The following PIAS1 variants were observed in gnomAD, a reference collection of about 807,000 sequenced individuals.
PIAS1 encodes E3 SUMO-protein ligase PIAS1.
A neutral mutation model predicts 71.3 loss-of-function variants in PIAS1; 6 were observed. The ratio of observed to expected loss-of-function variants is 0.08; its 90% CI spans 0.05 to 0.17. The LOEUF (loss-of-function observed/expected upper bound fraction) is 0.17. PIAS1 is among the 10% of genes least tolerant of loss of function. The pLI is 1.00. For synonymous variants in PIAS1, 303 were observed against 292.9 expected (o/e 1.03, Z -0.35); for missense variants, 555 against 793.6 (o/e 0.70, Z 3.61).
rs542697078 is a variant in PIAS1, at chr15:68,132,226, C to T, written c.470-9720C>T. Among the ~76,000 whole-genome samples the T allele has an allele frequency of 2.7e-3, 417 of 152,156 alleles. 2 individuals are homozygous for T. Among genetic ancestry groups the T allele is most frequent in the African/African-American group, 9.6e-3 (400 of 41,524 alleles). On this transcript the variant is annotated intron_variant, in intron 2 of 13. Coordinates refer to ENST00000249636, the MANE Select transcript of PIAS1 (RefSeq NM_016166.3). ...GGGCATGGTGGCTCACACCTGTAAT[C>T]CCAGCACTTTGGGAGGCTGAGGCGG...
chr15:68,125,950 T>C (rs543840533), intron 2 of PIAS1, among the ~76,000 whole-genome samples: 1 of 152,274 alleles, frequency 6.6e-6, no homozygotes, highest in East Asian at 1.9e-4. Context: ...CCTCCTGCCC[T>C]AGCCTCCCAA....
chr15:68,110,850 A>G (rs930064998), intron 2 of PIAS1, among the ~76,000 whole-genome samples: 1 of 152,196 alleles, frequency 6.6e-6, no homozygotes, highest in African/African-American at 2.4e-5. Flanking sequence ...AAATGATTCT[A>G]AAGTTTCATT....
At chr15:68,164,320 CTTA>C (rs1464524874) in intron 7 of PIAS1, among the ~76,000 whole-genome samples, 1 of 151,794 alleles carries the variant, frequency 6.6e-6, no homozygotes, top group African/African-American at 2.4e-5. Context: ...AAATGTTATT[CTTA>C]TTATTAATGT....
intron 1 of PIAS1, among the ~76,000 whole-genome samples, chr15:68,076,834 G>A (rs1017180575): frequency 3.9e-5 from 6 of 152,138 alleles, no homozygotes; most frequent in African/African-American, 9.7e-5. Flanking sequence ...CTTGCATAGG[G>A]GATATGGAGA....
At chr15:68,100,241 C>T (rs747299968) in intron 2 of PIAS1, among the ~76,000 whole-genome samples, 8 of 152,158 alleles carry the variant, frequency 5.3e-5, no homozygotes, top group Non-Finnish European at 1.0e-4. Context: ...AGTATCCAAA[C>T]TAGGACATAA....
At chr15:68,074,919 G>A (rs549377652) in intron 1 of PIAS1, among the ~76,000 whole-genome samples, 2 of 151,154 alleles carry the variant, frequency 1.3e-5, no homozygotes, top group South Asian at 4.2e-4. Flanking sequence ...GTCTGTTTGG[G>A]TTTTTAGCCT....
intron 11 of PIAS1, among the ~76,000 whole-genome samples, chr15:68,179,956 A>G (rs909623684): frequency 6.6e-6 from 1 of 152,138 alleles, no homozygotes; most frequent in South Asian, 2.1e-4. Flanking sequence ...AAAGCAAAAG[A>G]CAGCCTCTTT....
rs2093036582 is a variant in PIAS1, at chr15:68,178,980, A to G, written c.1482-2232A>G. ...TCCCAGTGACTAATTGAACCCAGCT[A>G]TAGTATTTGCAAATGCCAGACATTT... On this transcript the variant is annotated intron_variant, in intron 11 of 13. Coordinates refer to ENST00000249636, the MANE Select transcript of PIAS1 (RefSeq NM_016166.3). This position sits in a 1 kb window ranked among gnomAD's most constrained non-coding sequence, Gnocchi z 4.2. 6.6e-6 allele frequency among the ~76,000 whole-genome samples: 1 copy of G among 152,322 alleles called. No homozygotes were observed. Among genetic ancestry groups the G allele is most frequent in the Admixed American group, 6.5e-5 (1 of 15,300 alleles).
At chr15:68,093,551 TGAAA>T (rs2092350319) in intron 2 of PIAS1, among the ~76,000 whole-genome samples, 1 of 152,230 alleles carries the variant, frequency 6.6e-6, no homozygotes, top group Admixed American at 6.5e-5. Flanking sequence ...CCAAAGGCAT[TGAAA>T]TTAGAAGTTC....
intron 7 of PIAS1, among the ~76,000 whole-genome samples, chr15:68,161,872 G>C (rs534033200): frequency 1.3e-5 from 1 of 75,956 alleles, no homozygotes; most frequent in Admixed American, 1.5e-4. Context: ...AGAGGCTGCA[G>C]TCAACCAAGA....
chr15:68,070,088 T>C (rs1178857499), intron 1 of PIAS1, among the ~76,000 whole-genome samples: 2 of 152,142 alleles, frequency 1.3e-5, no homozygotes, highest in Non-Finnish European at 2.9e-5. Flanking sequence ...AGAGTTATTG[T>C]AGGAAGTTTG....
rs2141086498 is a variant in PIAS1 at position 68,171,005 on chromosome 15, A to G, written c.1009-2727A>G. 6.6e-6 allele frequency among the ~76,000 whole-genome samples: 1 copy of G among 152,196 alleles called. No individual in the cohort carries two copies. ...AACTTTTGACTCTTGTAATAACAAC[A>G]CTTAGCTTAAAACACAAGCACATTG... On this transcript the variant is annotated intron_variant, in intron 8 of 13. Transcript: ENST00000249636. The surrounding 1 kb of genome is among the most constrained non-coding windows in gnomAD (Gnocchi z 4.4).
intron 2 of PIAS1, among the ~76,000 whole-genome samples, chr15:68,089,837 T>G (rs2092318206): frequency 6.6e-6 from 1 of 152,116 alleles, no homozygotes; most frequent in African/African-American, 2.4e-5. Context: ...ATTACAGGTG[T>G]GAGCCACTGC....
At position 68,157,903 on chromosome 15, in the gene PIAS1, TC is replaced by T. The variant is rs147859124; in HGVS notation, c.934+4211del. Among the ~76,000 whole-genome samples the T allele has an allele frequency of 6.1e-3, 925 of 152,282 alleles. 4 individuals are homozygous for T. The highest frequency in any genetic ancestry group is 0.032 in the East Asian group (167 of 5,178). ...ACTCACCAACTCCTGTCAAACTTAC[TC>T]CCTAAATATTTCTCAAATGTGCCTT... On this transcript the variant is annotated intron_variant, in intron 7 of 13. Transcript: ENST00000249636.
chr15:68,069,938 T>C (rs2092076047), intron 1 of PIAS1, among the ~76,000 whole-genome samples: 1 of 152,208 alleles, frequency 6.6e-6, no homozygotes, highest in South Asian at 2.1e-4. Context: ...AAGAACTTTA[T>C]TTTGGGAAAT....
intron 2 of PIAS1, among the ~76,000 whole-genome samples, chr15:68,135,597 C>T (rs1349803583): frequency 1.7e-5 from 1 of 58,420 alleles, no homozygotes; most frequent in African/African-American, 4.1e-5. Context: ...ACCTCCCGGA[C>T]GGGGTGGCTG....
At chr15:68,096,847 A>G (rs551654017) in intron 2 of PIAS1, among the ~76,000 whole-genome samples, 5 of 152,170 alleles carry the variant, frequency 3.3e-5, no homozygotes, top group Non-Finnish European at 5.9e-5. Context: ...TACATACGTC[A>G]TGTCATCTGT....
chr15:68,176,448 C>T, intron 10 of PIAS1, 26 bp from the exon 11 acceptor site: 1 of 1,498,414 alleles, frequency 6.7e-7, no homozygotes, highest in Non-Finnish European at 9.0e-7. Flanking sequence ...CTTCCCTTGC[C>T]TTGTATTTTA....
intron 2 of PIAS1, among the ~76,000 whole-genome samples, chr15:68,090,927 G>GGAGTGTGT (rs71455575): frequency 4.2e-5 from 6 of 142,762 alleles, no homozygotes; most frequent in African/African-American, 1.6e-4. Context: ...GTCATTTACG[G>GGAGTGTGT]GTGTGTGTGT....
Sources: gnomAD v4.1 joint callset for allele counts (sites outside exome capture counted in the v4.1 genomes callset) on GRCh38, gnomAD v4.1.1 for gene constraint, Gnocchi (gnomAD v3.1) non-coding constraint, MANE v1.5 for transcripts, NCBI Gene and HGNC (gene_info 2026-07-23, HGNC 2026-07-21) for gene names.